The following RBM46 variants were observed in gnomAD, a reference collection of about 807,000 sequenced individuals.
RBM46 encodes probable RNA-binding protein 46.
Under a neutral mutation model 43.3 loss-of-function variants are expected in RBM46, and 12 were observed. That is an observed-to-expected ratio of 0.28 (90% CI 0.18 to 0.45). The LOEUF (loss-of-function observed/expected upper bound fraction) is 0.45, where lower values mean the gene tolerates loss of function less well. RBM46 is among the 20% of genes least tolerant of loss of function. RBM46 has a pLI of 1.00. For synonymous variants in RBM46, 205 were observed against 207.6 expected (o/e 0.99, Z 0.11); for missense variants, 412 against 639.1 (o/e 0.64, Z 3.83).
chr4:154,807,189 A>G (rs1043091288), intron 4 of RBM46, among the ~76,000 whole-genome samples: 5 of 151,772 alleles, frequency 3.3e-5, no homozygotes, highest in South Asian at 4.1e-4. Context: ...GTAGCAGTTC[A>G]TAATTTTGCC....
At chr4:154,804,386 C>T (rs763264597) in intron 4 of RBM46, among the ~76,000 whole-genome samples, 8 of 152,008 alleles carry the variant, frequency 5.3e-5, no homozygotes, top group Non-Finnish European at 8.8e-5. Flanking sequence ...ACTATCAAGG[C>T]GAATAGTACT....
Position 154,788,251 on chromosome 4 carries a change from A to G in RBM46, c.-12+6815A>G, listed in dbSNP as rs1578890801. Reference sequence around the variant, plus strand: ...ATTGCTTTTGGTGTTTTAGTCATGAAGTCCTTGCCCATGCCTGTGTCCTCA... The same window carrying G: ...ATTGCTTTTGGTGTTTTAGTCATGAGGTCCTTGCCCATGCCTGTGTCCTCA... On this transcript the variant is annotated intron_variant, in intron 1 of 4. Transcript: ENST00000281722. 2.6e-5 allele frequency among the ~76,000 whole-genome samples: 4 copies of G among 152,252 alleles called. 1 individual carries two copies. In the Middle Eastern group the frequency reaches 0.014, roughly 521 times the overall value.
intron 4 of RBM46, among the ~76,000 whole-genome samples, chr4:154,815,407 T>C (rs1292612440): frequency 6.6e-6 from 1 of 152,046 alleles, no homozygotes; most frequent in Non-Finnish European, 1.5e-5. Context: ...CCAAAGTAAG[T>C]ATACTGATTT....
chr4:154,804,424 G>T (rs1181901405), intron 4 of RBM46, among the ~76,000 whole-genome samples: 1 of 152,130 alleles, frequency 6.6e-6, no homozygotes, highest in Admixed American at 6.5e-5. Flanking sequence ...ACTCTGTTTT[G>T]AATCTGGGTC....
intron 3 of RBM46, 98 bp downstream of exon 3, chr4:154,798,376 TAAAGAA>T: frequency 1.4e-6 from 1 of 704,004 alleles, no homozygotes; most frequent in East Asian, 2.8e-5. Context: ...TAATGTCACT[TAAAGAA>T]GAGTAAAGAA....
At chr4:154,806,676 T>G (rs1014041337) in intron 4 of RBM46, among the ~76,000 whole-genome samples, 1 of 151,834 alleles carries the variant, frequency 6.6e-6, no homozygotes, top group Non-Finnish European at 1.5e-5. Flanking sequence ...AAATAAAAGA[T>G]TCAGTCAGTC....
chr4:154,815,269 A>G (rs1735377809), intron 4 of RBM46, among the ~76,000 whole-genome samples: 1 of 152,024 alleles, frequency 6.6e-6, no homozygotes, highest in South Asian at 2.1e-4. Flanking sequence ...TGTTTGAATA[A>G]TGACACTCTA....
chr4:154,825,500 A>G, intron 4 of RBM46, among the ~76,000 whole-genome samples: 1 of 152,138 alleles, frequency 6.6e-6, no homozygotes, highest in Non-Finnish European at 1.5e-5. Context: ...AATCTTACAA[A>G]CTTCTGAAAC....
rs776652778 is a variant in RBM46, at chr4:154,799,035, G to A, written c.873G>A (p.Met291Ile). 1.2e-5 allele frequency: 20 copies of A among 1,613,968 alleles called. 1 individual carries two copies. Among genetic ancestry groups the A allele is most frequent in the Admixed American group, 5.0e-5 (3 of 59,988 alleles). Residue 291 changes from methionine to isoleucine, a missense_variant, in exon 4 of 5, where the codon ATG becomes ATA. Around this residue, in one of 8 missense-constraint regions of RBM46, gnomAD observed 105 missense variants for 111.0 expected, o/e 0.95. Coordinates refer to ENST00000281722, the MANE Select transcript of RBM46 (RefSeq NM_144979.5). The part of the protein sequence containing the change: ...REDAVAAMSV[M>I]NGKCIDGASI... ...ATGCAGTGGCTGCCATGTCTGTTAT[G>A]AATGGAAAATGCATTGATGGAGCAA...
intron 1 of RBM46, among the ~76,000 whole-genome samples, chr4:154,785,375 A>G (rs1190795778): frequency 4.6e-5 from 7 of 152,042 alleles, no homozygotes; most frequent in Non-Finnish European, 1.0e-4. Context: ...GGATTGCAGA[A>G]ATCAGCCATT....
intron 4 of RBM46, among the ~76,000 whole-genome samples, chr4:154,804,578 G>A (rs914650579): frequency 2.0e-5 from 3 of 152,146 alleles, no homozygotes; most frequent in African/African-American, 7.2e-5. Context: ...GAAAGAGGAA[G>A]GTAGTCTTAT....
intron 4 of RBM46, among the ~76,000 whole-genome samples, chr4:154,821,977 A>T (rs1735741153): frequency 6.6e-6 from 1 of 151,802 alleles, no homozygotes; most frequent in South Asian, 2.1e-4. Context: ...TGGCTATAGG[A>T]TGCTTGTTTT....
At chr4:154,813,372 A>G (rs779130550) in intron 4 of RBM46, among the ~76,000 whole-genome samples, 2 of 152,092 alleles carry the variant, frequency 1.3e-5, no homozygotes, top group Non-Finnish European at 2.9e-5. Context: ...CCCCTGAAAT[A>G]TAGACAGGGG....
chr4:154,804,400 CT>C (rs200118725), intron 4 of RBM46, among the ~76,000 whole-genome samples: 3,632 of 152,300 alleles, frequency 0.024, 65 homozygotes, highest in Non-Finnish European at 0.038. Flanking sequence ...TAGTACTTCT[CT>C]TTCTAAAAGT....
At chr4:154,815,412 T>G (rs1026655529) in intron 4 of RBM46, among the ~76,000 whole-genome samples, 1 of 152,056 alleles carries the variant, frequency 6.6e-6, no homozygotes, top group Non-Finnish European at 1.5e-5. Context: ...GTAAGTATAC[T>G]GATTTACACT....
chr4:154,827,975 C>G lies in RBM46; in HGVS notation c.1510C>G (p.Pro504Ala), dbSNP rs1433279328. ...LPYTSRPYSY[P>A]GYPLSPTISL... The stretch of plus-strand genomic sequence containing the variant: ...TTATACTTCAAGGCCTTATTCTTAT[C>G]CAGGCTATCCTTTGTCACCAACAAT... Residue 504 changes from proline (P) to alanine (A), a missense_variant, in exon 5 of 5, where the codon CCA becomes GCA. Pro to Ala is a conservative substitution (Grantham distance 27). Coordinates refer to ENST00000281722, the MANE Select transcript of RBM46 (RefSeq NM_144979.5). 1.9e-6 allele frequency: 3 copies of G among 1,613,960 alleles called. No individual in the cohort carries two copies. The highest frequency in any genetic ancestry group is 2.5e-6 in the Non-Finnish European group (3 of 1,179,886).
intron 4 of RBM46, 33 bp from the exon 5 acceptor site, chr4:154,827,835 G>A (rs1434425764): frequency 2.5e-6 from 4 of 1,610,344 alleles, no homozygotes; most frequent in Admixed American, 1.7e-5. Context: ...CCATAAAGAT[G>A]TACAGCATAA....
chr4:154,825,100 C>G (rs1283672129), intron 4 of RBM46, among the ~76,000 whole-genome samples: 1 of 152,008 alleles, frequency 6.6e-6, no homozygotes, highest in Non-Finnish European at 1.5e-5. Context: ...GAAATTGGCT[C>G]TGTATCATTC....
intron 4 of RBM46, among the ~76,000 whole-genome samples, chr4:154,812,555 C>T (rs947777013): frequency 1.5e-4 from 23 of 152,118 alleles, no homozygotes; most frequent in African/African-American, 5.3e-4. Context: ...GTATCTATTT[C>T]CTGGTCCCCT....
Sources: gnomAD v4.1 joint callset for allele counts (sites outside exome capture counted in the v4.1 genomes callset) on GRCh38, gnomAD v4.1.1 for gene constraint, gnomAD v4.1.1 regional missense constraint, MANE v1.5 for transcripts, NCBI Gene and HGNC (gene_info 2026-07-23, HGNC 2026-07-21) for gene names.